Variants in SRC observed in about 807,000 individuals in gnomAD.
SRC encodes the protein SRC proto-oncogene, non-receptor tyrosine kinase.
In SRC, 13 loss-of-function variants were observed where a neutral mutation model predicts 62.9. The ratio of observed to expected loss-of-function variants is 0.21; its 90% confidence interval spans 0.13 to 0.33. The LOEUF (loss-of-function observed/expected upper bound fraction) is 0.33, where lower values mean the gene tolerates loss of function less well. SRC is among the 10% of genes least tolerant of loss of function. SRC has a pLI of 1.00. For missense variants in SRC, 457 were observed against 737.3 expected (o/e 0.62, Z 4.40); for synonymous variants, 302 against 317.5 (o/e 0.95, Z 0.52).
chr20:37,365,516 A>C (rs1297654879), intron 2 of SRC, among the ~76,000 whole-genome samples: 1 of 152,128 alleles, frequency 6.6e-6, no homozygotes, highest in Non-Finnish European at 1.5e-5. Flanking sequence ...TGTGAATTTC[A>C]ATAATGATGG....
intron 2 of SRC, among the ~76,000 whole-genome samples, chr20:37,365,855 A>G (rs1056228547): frequency 7.9e-5 from 12 of 151,972 alleles, no homozygotes; most frequent in Non-Finnish European, 1.5e-4. Context: ...AAGTACTGGG[A>G]TTATAGGTAT....
chr20:37,379,822 G>A (rs1166007948), intron 2 of SRC, among the ~76,000 whole-genome samples: 1 of 150,066 alleles, frequency 6.7e-6, no homozygotes, highest in Non-Finnish European at 1.5e-5. Context: ...CTGGAACCCG[G>A]GAGGCGGAGG....
intron 5 of SRC, 30 bp from the exon 6 acceptor site, chr20:37,393,865 C>A (rs1326180114): frequency 6.4e-7 from 1 of 1,568,600 alleles, no homozygotes. Context: ...GCTCCCTTCT[C>A]CTTTCCTCCC....
At chr20:37,353,397 G>C (rs375090673) in intron 1 of SRC, among the ~76,000 whole-genome samples, 2 of 152,098 alleles carry the variant, frequency 1.3e-5, no homozygotes, top group Non-Finnish European at 2.9e-5. Flanking sequence ...CTGAGGTCAC[G>C]CAGCCCTGAA....
At chr20:37,355,263 G>A (rs545158342) in intron 1 of SRC, among the ~76,000 whole-genome samples, 2 of 119,756 alleles carry the variant, frequency 1.7e-5, no homozygotes, top group African/African-American at 6.3e-5. Flanking sequence ...AGGTGTTCCC[G>A]AAGGCCCCGG....
Position 37,361,495 on chromosome 20 carries a change from G to C in SRC, c.-246-3709G>C, listed in dbSNP as rs1035471389. Among the ~76,000 whole-genome samples the C allele has an allele frequency of 2.0e-5, 3 of 152,348 alleles. No individual in the cohort carries two copies. In the South Asian group the frequency reaches 6.2e-4, roughly 32 times the overall value. On this transcript the variant is annotated intron_variant, in intron 1 of 13. Coordinates refer to ENST00000373578, the MANE Select transcript of SRC (RefSeq NM_198291.3). ...GTGTGGAGGGCCCTGGCCACTAGGC[G>C]CTCCTGCCCACCAGTGTCCCTGGAG...
chr20:37,352,387 G>T (rs957865323), intron 1 of SRC, among the ~76,000 whole-genome samples: 1 of 152,212 alleles, frequency 6.6e-6, no homozygotes, highest in Admixed American at 6.5e-5. Context: ...CTTTGTCTGT[G>T]GTTGGCTTGT....
In SRC at chr20:37,403,031, C is replaced by T; in HGVS notation, c.1403-140C>T. On this transcript the variant is annotated intron_variant, in intron 13 of 13. Coordinates refer to ENST00000373578, the MANE Select transcript of SRC (RefSeq NM_198291.3). This position sits in a 1 kb window ranked among gnomAD's most constrained non-coding sequence, Gnocchi z 7.1. ...TTAGGCTCTCTCGATGGTCCATGCTCTCAGCTTCGGGGACAGGACTTATCT... is the reference window on the plus strand; with the variant it reads ...TTAGGCTCTCTCGATGGTCCATGCTTTCAGCTTCGGGGACAGGACTTATCT... 1.5e-6 allele frequency: 2 copies of T among 1,321,142 alleles called. No individual in the cohort carries two copies. The highest frequency in any genetic ancestry group is 2.0e-6 in the Non-Finnish European group (2 of 986,614). 81.8% of individuals were successfully genotyped at this position (1,321,142 alleles called of 1,614,324 possible).
At position 37,358,697 on chromosome 20, in the gene SRC, C is replaced by T. The variant is rs1169633319; in HGVS notation, c.-246-6507C>T. Among the ~76,000 whole-genome samples the T allele has an allele frequency of 3.9e-5, 6 of 152,352 alleles. 1 individual carries two copies. The highest frequency in any genetic ancestry group is 3.9e-4 in the Admixed American group (6 of 15,306). ...TTCTGCCTGGGAGGAAGCAGAAGAG[C>T]GGTCAGGGCTGGGACAGTTGTGCTC... On this transcript the variant is annotated intron_variant, in intron 1 of 13. Coordinates refer to ENST00000373578, the MANE Select transcript of SRC (RefSeq NM_198291.3).
intron 5 of SRC, among the ~76,000 whole-genome samples, chr20:37,391,452 C>A (rs2070546422): frequency 6.6e-6 from 1 of 152,178 alleles, no homozygotes; most frequent in Non-Finnish European, 1.5e-5. Context: ...TAAATGGAGG[C>A]TTTGAACTGA....
chr20:37,402,923 C>G lies in SRC; in HGVS notation c.1402+43C>G, dbSNP rs778364954. The G allele has an allele frequency of 2.5e-6, 4 of 1,589,794 alleles. No individual in the cohort carries two copies. Among genetic ancestry groups the G allele is most frequent in the African/African-American group, 1.4e-5 (1 of 74,040 alleles). ...GCCTGTCTGTGGTCCCTGAATCCCT[C>G]TGCCCTGGTGGCCTTGGGCAAGTCA... is the stretch of plus-strand genomic sequence containing the variant. On this transcript the variant is annotated intron_variant, in intron 13 of 13. Coordinates refer to ENST00000373578, the MANE Select transcript of SRC (RefSeq NM_198291.3). This position sits in a 1 kb window ranked among gnomAD's most constrained non-coding sequence, Gnocchi z 6.2.
chr20:37,358,760 C>G (rs2069922029), intron 1 of SRC, among the ~76,000 whole-genome samples: 1 of 152,350 alleles, frequency 6.6e-6, no homozygotes, highest in South Asian at 2.1e-4. Flanking sequence ...CGTGGCCCCC[C>G]TGCTGGGCTT....
At chr20:37,369,718 TG>T (rs1325106126) in intron 2 of SRC, among the ~76,000 whole-genome samples, 5 of 152,100 alleles carry the variant, frequency 3.3e-5, no homozygotes, top group Non-Finnish European at 5.9e-5. Flanking sequence ...TTTCTGATCT[TG>T]GGGGGATGGC....
intron 2 of SRC, among the ~76,000 whole-genome samples, chr20:37,370,988 TTC>T (rs1311483186): frequency 4.6e-4 from 42 of 92,194 alleles, no homozygotes; most frequent in African/African-American, 2.0e-3. Flanking sequence ...CTTCTTCTTC[TTC>T]TTTTTTTTTT....
intron 1 of SRC, among the ~76,000 whole-genome samples, chr20:37,363,958 G>A (rs1322818812): frequency 6.6e-6 from 1 of 151,990 alleles, no homozygotes; most frequent in Non-Finnish European, 1.5e-5. Flanking sequence ...CCATCAGGGA[G>A]AGGATGGCTG....
rs894982237 is a variant in SRC, at chr20:37,403,616, C to T, written c.*237C>T. On this transcript the variant is annotated 3_prime_UTR_variant, in exon 14 of 14. Coordinates refer to ENST00000373578, the MANE Select transcript of SRC (RefSeq NM_198291.3). The surrounding 1 kb of genome is among the most constrained non-coding windows in gnomAD (Gnocchi z 7.1). ...GACTCTGTCCAGCTCCCGCTGTGGC[C>T]GCACGCCTCTCCCTGCACTCCCTCC... 5.0e-5 allele frequency: 28 copies of T among 556,970 alleles called. No individual in the cohort carries two copies. Among genetic ancestry groups the T allele is most frequent in the South Asian group, 1.4e-4 (6 of 43,862 alleles). 34.5% of individuals were successfully genotyped at this position (556,970 alleles called of 1,614,324 possible). A position where few individuals can be genotyped will look rare whatever the true frequency, so the allele number is the denominator to read the frequency against.
intron 1 of SRC, among the ~76,000 whole-genome samples, chr20:37,348,629 C>A (rs1156812365): frequency 6.6e-6 from 1 of 151,990 alleles, no homozygotes; most frequent in East Asian, 1.9e-4. Flanking sequence ...TTTTTCCCTT[C>A]CCAGGGGCCC....
intron 1 of SRC, among the ~76,000 whole-genome samples, chr20:37,358,988 C>T (rs779191461): frequency 6.6e-6 from 1 of 152,286 alleles, no homozygotes; most frequent in Non-Finnish European, 1.5e-5. Flanking sequence ...TCTTTGCTCA[C>T]TCAGCAAACA....
At position 37,384,179 on chromosome 20, in the gene SRC, A is replaced by G; in HGVS notation, c.26A>G (p.Lys9Arg). Residue 9 changes from lysine to arginine, a missense_variant, in exon 4 of 14, where the codon AAG (lysine) becomes AGG (arginine). By Grantham distance (26) the Lys-to-Arg change is conservative. Transcript: ENST00000373578. This position sits in a 1 kb window ranked among gnomAD's most constrained non-coding sequence, Gnocchi z 6.7. Reference protein sequence around the residue: MGSNKSKPKDASQRRRSLE... With the variant: MGSNKSKPRDASQRRRSLE... ...ATGGGTAGCAACAAGAGCAAGCCCA[A>G]GGATGCCAGCCAGCGGCGCCGCAGC... The G allele has an allele frequency of 1.9e-6, 3 of 1,599,788 alleles. No individual in the cohort carries two copies. The highest frequency in any genetic ancestry group is 1.4e-5 in the African/African-American group (1 of 73,724).
Sources: allele counts gnomAD v4.1 joint callset (sites outside exome capture counted in the v4.1 genomes callset), GRCh38; gene constraint gnomAD v4.1.1; non-coding constraint Gnocchi (gnomAD v3.1); transcripts MANE v1.5; gene names NCBI Gene and HGNC (gene_info 2026-07-23, HGNC 2026-07-21).